ODAD2: variants seen among roughly 807,000 people sequenced by gnomAD.
The protein encoded by ODAD2 is outer dynein arm-docking complex subunit 2.
A neutral mutation model predicts 106.8 loss-of-function variants in ODAD2; 89 were observed. The observed-to-expected ratio is 0.83, with a 90% CI of 0.70 to 0.99. The LOEUF (loss-of-function observed/expected upper bound fraction) is 0.99. ODAD2 is among the 50% of genes least tolerant of loss of function. ODAD2 has a pLI of 0.00. For synonymous variants in ODAD2, 404 were observed against 436.2 expected (o/e 0.93, Z 0.92); for missense variants, 1,168 against 1,238.5 (o/e 0.94, Z 0.85).
intron 16 of ODAD2, among the ~76,000 whole-genome samples, chr10:27,917,712 CTTTG>C: frequency 6.6e-6 from 1 of 151,786 alleles, no homozygotes; most frequent in Middle Eastern, 3.4e-3. Context: ...ATAGTCTTTG[CTTTG>C]TTTTTGTTTT....
Position 27,996,889 on chromosome 10 carries a change from G to A in ODAD2, c.-38-1709C>T, listed in dbSNP as rs78936147. Among the ~76,000 whole-genome samples the A allele has an allele frequency of 6.4e-3, 967 of 152,254 alleles. 8 individuals carry two copies. Among genetic ancestry groups the A allele is most frequent in the African/African-American group, 0.022 (921 of 41,532 alleles). On this transcript the variant is annotated intron_variant, in intron 1 of 19. Transcript: ENST00000305242. Reference sequence around the variant, plus strand: ...TGACTACTTCCCTATATATTCTAGTGTAGTGGTACTTGAGCGTTTACATGC... The same window carrying A: ...TGACTACTTCCCTATATATTCTAGTATAGTGGTACTTGAGCGTTTACATGC...
intron 10 of ODAD2, among the ~76,000 whole-genome samples, chr10:27,950,471 T>G (rs921952359): frequency 4.6e-5 from 7 of 152,106 alleles, no homozygotes; most frequent in African/African-American, 1.4e-4. Context: ...CGAAGAAAAA[T>G]ATACATATAT....
intron 19 of ODAD2, among the ~76,000 whole-genome samples, chr10:27,856,230 A>G (rs1311750596): frequency 6.6e-6 from 1 of 152,222 alleles, no homozygotes; most frequent in African/African-American, 2.4e-5. Context: ...AATCATAAAG[A>G]GAATAGGATT....
intron 16 of ODAD2, among the ~76,000 whole-genome samples, chr10:27,912,283 T>C (rs925824493): frequency 6.6e-6 from 1 of 152,190 alleles, no homozygotes; most frequent in Non-Finnish European, 1.5e-5. Context: ...TTTCTTGACA[T>C]TATAAAAACA....
chr10:27,828,879 GAAT>G lies in ODAD2; in HGVS notation c.3022-16257_3022-16255del, dbSNP rs1460676790. 1.8e-4 allele frequency among the ~76,000 whole-genome samples: 27 copies of G among 152,222 alleles called. No homozygotes were observed. The East Asian group carries it at 2.3e-3, about 13-fold the overall frequency. ...TCTAAATTATACCCATATTAAAAATGAATAATTAGTTCCACAGTATTCCTTAAC... is the reference window on the plus strand; with the variant it reads ...TCTAAATTATACCCATATTAAAAATGAATTAGTTCCACAGTATTCCTTAAC... On this transcript the variant is annotated intron_variant, in intron 19 of 19. Coordinates refer to ENST00000305242, the MANE Select transcript of ODAD2 (RefSeq NM_018076.5).
At chr10:27,977,721 A>C (rs1388523332) in intron 7 of ODAD2, among the ~76,000 whole-genome samples, 1 of 152,242 alleles carries the variant, frequency 6.6e-6, no homozygotes, top group Non-Finnish European at 1.5e-5. Flanking sequence ...CCAATGAAAA[A>C]AACAGACAAA....
intron 19 of ODAD2, among the ~76,000 whole-genome samples, chr10:27,818,270 T>C (rs1185874732): frequency 1.3e-5 from 2 of 152,240 alleles, no homozygotes; most frequent in Non-Finnish European, 1.5e-5. Flanking sequence ...AGGGATTGAC[T>C]TGATCCTTTG....
intron 10 of ODAD2, among the ~76,000 whole-genome samples, chr10:27,958,095 A>G (rs889424374): frequency 1.3e-5 from 2 of 151,970 alleles, no homozygotes; most frequent in Non-Finnish European, 2.9e-5. Context: ...ATTTATAGAT[A>G]TACTTTTCCT....
chr10:27,918,515 ACTCT>A lies in ODAD2; in HGVS notation c.2496-10742_2496-10739del, dbSNP rs199639106. ...AAAAATCTATTTTTATTAAAATATA[ACTCT>A]CACAGCAAACTAGGAATAGAAGGAA... is the stretch of plus-strand genomic sequence containing the variant. On this transcript the variant is annotated intron_variant, in intron 16 of 19. Transcript: ENST00000305242. Among the ~76,000 whole-genome samples the A allele has an allele frequency of 9.5e-4, 145 of 152,082 alleles. 1 individual carries two copies. The East Asian group carries it at 0.02, about 21-fold the overall frequency.
intron 17 of ODAD2, among the ~76,000 whole-genome samples, chr10:27,865,931 T>C (rs1158573197): frequency 1.3e-5 from 2 of 152,214 alleles, no homozygotes; most frequent in East Asian, 1.9e-4. Flanking sequence ...ATAGTAAATC[T>C]AAATACAATT....
chr10:27,886,547 C>T (rs1161272116), intron 17 of ODAD2, among the ~76,000 whole-genome samples: 4 of 151,952 alleles, frequency 2.6e-5, no homozygotes, highest in Non-Finnish European at 5.9e-5. Context: ...GGATTCTACA[C>T]AGTAACTTGA....
At chr10:27,975,184 T>C (rs1001331616) in intron 7 of ODAD2, among the ~76,000 whole-genome samples, 1 of 152,310 alleles carries the variant, frequency 6.6e-6, no homozygotes, top group African/African-American at 2.4e-5. Context: ...AAGTAAAACA[T>C]TATTCACAAC....
At chr10:27,843,371 G>T (rs571172149) in intron 19 of ODAD2, among the ~76,000 whole-genome samples, 1 of 152,168 alleles carries the variant, frequency 6.6e-6, no homozygotes, top group Non-Finnish European at 1.5e-5. Flanking sequence ...CAATTGTAGC[G>T]GATGGTGTAG....
At chr10:27,898,851 TGTG>T (rs1419023259) in intron 17 of ODAD2, among the ~76,000 whole-genome samples, 1 of 152,178 alleles carries the variant, frequency 6.6e-6, no homozygotes, top group Non-Finnish European at 1.5e-5. Flanking sequence ...ATTTTTTGGC[TGTG>T]ATAACAAATG....
At chr10:27,973,016 C>T (rs1173264576) in intron 7 of ODAD2, among the ~76,000 whole-genome samples, 2 of 151,880 alleles carry the variant, frequency 1.3e-5, no homozygotes, top group African/African-American at 4.8e-5. Context: ...ATAAAATGAA[C>T]ATTAATAAGT....
At chr10:27,990,535 C>A (rs1850163661) in intron 2 of ODAD2, among the ~76,000 whole-genome samples, 1 of 152,148 alleles carries the variant, frequency 6.6e-6, no homozygotes, top group African/African-American at 2.4e-5. Context: ...GAAAATAAGG[C>A]TATAGCTAAG....
At position 27,961,630 on chromosome 10, in the gene ODAD2, C is replaced by G; in HGVS notation, c.1324G>C (p.Glu442Gln). 2 of 1,611,516 alleles carry G rather than the reference C, an allele frequency of 1.2e-6. No individual in the cohort carries two copies. Among genetic ancestry groups the G allele is most frequent in the Non-Finnish European group, 1.7e-6 (2 of 1,178,076 alleles). ...EDEEPPDHRQEASADLPSEYW... is the reference protein window; with the variant it reads ...EDEEPPDHRQQASADLPSEYW... The stretch of plus-strand genomic sequence containing the variant: ...TCTGATGGCAAATCTGCACTTGCTT[C>G]CTGACGATGGTCAGGTGGTTCTTCA... The change falls in exon 10 of 20, where the codon GAA becomes CAA. Residue 442 changes from glutamate (E) to glutamine (Q), a missense_variant. Coordinates refer to ENST00000305242, the MANE Select transcript of ODAD2 (RefSeq NM_018076.5).
At chr10:27,822,381 T>C (rs1422028826) in intron 19 of ODAD2, among the ~76,000 whole-genome samples, 2 of 152,232 alleles carry the variant, frequency 1.3e-5, no homozygotes, top group Non-Finnish European at 1.5e-5. Context: ...AGCTCTGGAA[T>C]GCCTACCAGG....
chr10:27,861,645 G>A lies in ODAD2; in HGVS notation c.2799+789C>T, dbSNP rs75361717. Among the ~76,000 whole-genome samples the A allele has an allele frequency of 1.9e-3, 293 of 152,272 alleles. 8 individuals are homozygous for A. In the East Asian group the frequency reaches 0.049, roughly 26 times the overall value. The stretch of plus-strand genomic sequence containing the variant: ...AGGGAGAAGAGAGTGCAGCAAATCC[G>A]AAGACACATTTTGGGTCTTCCATTT... On this transcript the variant is annotated intron_variant, in intron 18 of 19. Coordinates refer to ENST00000305242, the MANE Select transcript of ODAD2 (RefSeq NM_018076.5).
Sources: allele counts gnomAD v4.1 joint callset (sites outside exome capture counted in the v4.1 genomes callset), GRCh38; gene constraint gnomAD v4.1.1; transcripts MANE v1.5; gene names NCBI Gene and HGNC (gene_info 2026-07-23, HGNC 2026-07-21).